THEMIS: variants seen among roughly 807,000 people sequenced by gnomAD.
The protein encoded by THEMIS is thymocyte selection associated.
In THEMIS, 37 loss-of-function variants were observed where a neutral mutation model predicts 52.6. The observed-to-expected ratio is 0.70, with a 90% CI of 0.54 to 0.93. The LOEUF is 0.93. Among genes scored for constraint, THEMIS ranks in the 40% least tolerant of loss-of-function variants. The pLI, the probability that THEMIS is intolerant of heterozygous loss-of-function variation, is 0.00. For missense variants in THEMIS, 808 were observed against 763.1 expected, an observed-to-expected ratio of 1.06 and a Z score of -0.69; for synonymous variants, 292 against 272.7, an observed-to-expected ratio of 1.07 and a Z score of -0.70.
intron 5 of THEMIS, among the ~76,000 whole-genome samples, chr6:127,714,205 A>T (rs1034546403): frequency 6.6e-6 from 1 of 151,846 alleles, no homozygotes; most frequent in Admixed American, 6.6e-5. Context: ...ATTGAAACAC[A>T]TCCCCGTGGT....
intron 4 of THEMIS, among the ~76,000 whole-genome samples, chr6:127,770,446 C>A (rs1175931412): frequency 6.6e-6 from 1 of 152,144 alleles, no homozygotes; most frequent in Admixed American, 6.5e-5. Context: ...TGTTCATATC[C>A]TTTGCCCACT....
upstream of THEMIS, among the ~76,000 whole-genome samples, chr6:127,905,815 A>G (rs1781254317): frequency 7.9e-6 from 1 of 125,796 alleles, no homozygotes; most frequent in East Asian, 2.0e-4. Context: ...GAAAGCCACT[A>G]AAAATGGTAA....
In THEMIS at chr6:127,824,937, C is replaced by A. The variant is rs1397208789; in HGVS notation, c.709+4539G>T. Among the ~76,000 whole-genome samples, 6 of 151,956 alleles carry A rather than the reference C, an allele frequency of 3.9e-5. No individual in the cohort carries two copies. The East Asian group carries it at 9.6e-4, about 24-fold the overall frequency. ...GAGACTCCGTCTCAAAACAAACAAA[C>A]AAACAAACAAACAAACAAAACTAAC... On this transcript the variant is annotated intron_variant, in intron 3 of 5. Coordinates refer to ENST00000368248, the MANE Select transcript of THEMIS (RefSeq NM_001010923.3).
intron 1 of THEMIS, among the ~76,000 whole-genome samples, chr6:127,866,805 C>A (rs913020132): frequency 1.3e-5 from 2 of 151,718 alleles, no homozygotes; most frequent in Admixed American, 6.6e-5. Flanking sequence ...GCCAAAAGAT[C>A]CCTTTTCTTG....
intron 4 of THEMIS, among the ~76,000 whole-genome samples, chr6:127,766,845 T>A (rs376397158): frequency 2.0e-5 from 3 of 152,252 alleles, no homozygotes; most frequent in East Asian, 3.9e-4. Flanking sequence ...TTTGGATGAG[T>A]CAGTGAGTGA....
intron 4 of THEMIS, among the ~76,000 whole-genome samples, chr6:127,772,021 G>A (rs1776403670): frequency 6.6e-6 from 1 of 151,852 alleles, no homozygotes; most frequent in African/African-American, 2.4e-5. Flanking sequence ...ATATATCTTG[G>A]GCACCTTTAT....
chr6:127,849,691 A>G (rs111728614), intron 2 of THEMIS, among the ~76,000 whole-genome samples: 1,887 of 152,122 alleles, frequency 0.012, 38 homozygotes, highest in African/African-American at 0.043. Context: ...GTCAAGCCAC[A>G]TGTACAAGAA....
chr6:127,770,014 G>A (rs542114187), intron 4 of THEMIS, among the ~76,000 whole-genome samples: 26 of 152,206 alleles, frequency 1.7e-4, no homozygotes, highest in African/African-American at 4.6e-4. Context: ...TCTTAATCCG[G>A]TCTATCATTG....
At chr6:127,797,554 A>G (rs1055046491) in intron 4 of THEMIS, among the ~76,000 whole-genome samples, 1 of 152,196 alleles carries the variant, frequency 6.6e-6, no homozygotes, top group Non-Finnish European at 1.5e-5. Context: ...GATTTTGCAG[A>G]TATGGGTCAA....
upstream of THEMIS, among the ~76,000 whole-genome samples, chr6:127,905,716 A>C (rs1395361570): frequency 6.6e-6 from 1 of 152,070 alleles, no homozygotes; most frequent in Non-Finnish European, 1.5e-5. Flanking sequence ...ATGAAGTTAA[A>C]ATGTTCTAAA....
In THEMIS at chr6:127,813,406, G is replaced by T; in HGVS notation, c.1235C>A (p.Ala412Asp). 1 of 1,613,866 alleles carries T rather than the reference G, an allele frequency of 6.2e-7. No individual in the cohort carries two copies. The highest frequency in any genetic ancestry group is 8.5e-7 in the Non-Finnish European group (1 of 1,179,940). Residue 412 changes from alanine (A) to aspartate (D), a missense_variant, in exon 4 of 6, where the codon GCC (alanine) becomes GAC (aspartate). Ala to Asp is a moderately radical substitution (Grantham distance 126, BLOSUM62 -2). Coordinates refer to ENST00000368248, the MANE Select transcript of THEMIS (RefSeq NM_001010923.3). ...GGACTTTTTGAGGATTTTTTCACAGGCCAGAACATTCACCACTTTTTTTAT... is the reference window on the plus strand; with the variant it reads ...GGACTTTTTGAGGATTTTTTCACAGTCCAGAACATTCACCACTTTTTTTAT... ...EGIKKVVNVL[A>D]CEKILKKSYE...
Position 127,829,746 on chromosome 6 carries a change from C to A in THEMIS, c.439G>T (p.Glu147Ter), listed in dbSNP as rs754477720. ...GCTACTGCACAGCTCACCATTATTTCTCCATCAATCTCTTCAACTGAGTTG... is the reference window on the plus strand; with the variant it reads ...GCTACTGCACAGCTCACCATTATTTATCCATCAATCTCTTCAACTGAGTTG... ...MLNSVEEIDG[E>*]IMVSCAVARN... The change falls in exon 3 of 6, where the codon GAA becomes TAA. Residue 147 changes from glutamate to a stop codon, truncating the protein, a stop_gained. Transcript: ENST00000368248. LOFTEE classifies it high-confidence loss of function. 3.7e-6 allele frequency: 6 copies of A among 1,614,124 alleles called. No individual in the cohort carries two copies. The South Asian group carries it at 6.6e-5, about 18-fold the overall frequency.
At chr6:127,775,956 T>C (rs938696156) in intron 4 of THEMIS, among the ~76,000 whole-genome samples, 2 of 152,224 alleles carry the variant, frequency 1.3e-5, no homozygotes, top group South Asian at 2.1e-4. Context: ...TTTGTTTTCA[T>C]TTTCAATAGA....
chr6:127,843,745 T>C (rs1779125597), intron 2 of THEMIS, among the ~76,000 whole-genome samples: 1 of 151,926 alleles, frequency 6.6e-6, no homozygotes, highest in Non-Finnish European at 1.5e-5. Context: ...TGATGGTATG[T>C]CACTTCTGAG....
At chr6:127,914,606 T>C (rs1418142208) in intron 1 of THEMIS, among the ~76,000 whole-genome samples, 1 of 152,218 alleles carries the variant, frequency 6.6e-6, no homozygotes, top group Non-Finnish European at 1.5e-5. Flanking sequence ...GTGGTGTTTT[T>C]GTGTCTAGAC....
chr6:127,894,444 A>T (rs994664860), intron 1 of THEMIS, among the ~76,000 whole-genome samples: 2 of 152,056 alleles, frequency 1.3e-5, no homozygotes, highest in Admixed American at 1.3e-4. Context: ...AAAGAAATAC[A>T]TTATAATTAG....
At chr6:127,699,873 T>A in the THEMIS span, among the ~76,000 whole-genome samples, 2 of 151,840 alleles carry the variant, frequency 1.3e-5, no homozygotes, top group African/African-American at 4.8e-5. Flanking sequence ...GAAAATGCAA[T>A]AGAAACTCTT....
At chr6:127,823,350 C>T (rs1292626223) in intron 3 of THEMIS, among the ~76,000 whole-genome samples, 1 of 152,000 alleles carries the variant, frequency 6.6e-6, no homozygotes, top group African/African-American at 2.4e-5. Context: ...ACTTTGGTAC[C>T]ATGAAGTTCA....
intron 1 of THEMIS, among the ~76,000 whole-genome samples, chr6:127,885,469 T>TA (rs1388795218): frequency 1.3e-5 from 2 of 151,930 alleles, no homozygotes; most frequent in Non-Finnish European, 2.9e-5. Flanking sequence ...TAAATACTGA[T>TA]AAAAAATAAA....
Sources: gnomAD v4.1 joint callset for allele counts (sites outside exome capture counted in the v4.1 genomes callset) on GRCh38, gnomAD v4.1.1 for gene constraint, MANE v1.5 for transcripts, NCBI Gene and HGNC (gene_info 2026-07-23, HGNC 2026-07-21) for gene names.